Variants in SNTG2 observed in about 807,000 individuals in gnomAD.
SNTG2 encodes the protein syntrophin gamma 2.
A neutral mutation model predicts 70.9 loss-of-function variants in SNTG2; 74 were observed. The observed-to-expected ratio is 1.04, with a 90% CI of 0.86 to 1.27. The LOEUF (loss-of-function observed/expected upper bound fraction) is 1.27, where lower values mean the gene tolerates loss of function less well. Ranked by LOEUF, SNTG2 falls within the 50% of genes most tolerant of loss-of-function variation. The pLI is 0.00. For missense variants in SNTG2, 717 were observed against 690.7 expected (o/e 1.04, Z -0.43); for synonymous variants, 278 against 273.8 (o/e 1.02, Z -0.15).
At chr2:969,996 GT>G (rs1219900938) in intron 1 of SNTG2, among the ~76,000 whole-genome samples, 3 of 152,176 alleles carry the variant, frequency 2.0e-5, no homozygotes, top group Admixed American at 6.5e-5. Context: ...TTGACTGTGG[GT>G]TTGTCATAGA....
intron 16 of SNTG2, among the ~76,000 whole-genome samples, chr2:1,356,549 C>T (rs867150748): frequency 6.6e-6 from 1 of 152,074 alleles, no homozygotes; most frequent in African/African-American, 2.4e-5. Context: ...TTATATGTGT[C>T]TTTAGTACCA....
intron 8 of SNTG2, among the ~76,000 whole-genome samples, chr2:1,181,596 G>A (rs926513196): frequency 6.6e-6 from 1 of 152,164 alleles, no homozygotes; most frequent in Non-Finnish European, 1.5e-5. Context: ...CTAGAGGTAG[G>A]GTAGGTGGTG....
At chr2:1,162,275 G>A (rs983366344) in intron 6 of SNTG2, among the ~76,000 whole-genome samples, 1 of 152,066 alleles carries the variant, frequency 6.6e-6, no homozygotes, top group Non-Finnish European at 1.5e-5. Flanking sequence ...CTTACCTCGG[G>A]TATGGAGGTG....
intron 1 of SNTG2, among the ~76,000 whole-genome samples, chr2:1,065,064 T>G (rs1663063725): frequency 6.6e-6 from 1 of 152,186 alleles, no homozygotes; most frequent in East Asian, 1.9e-4. Flanking sequence ...CCAGCTTATT[T>G]TCACTCTGTC....
At chr2:1,240,457 T>G (rs926664672) in intron 11 of SNTG2, among the ~76,000 whole-genome samples, 1 of 152,232 alleles carries the variant, frequency 6.6e-6, no homozygotes, top group Non-Finnish European at 1.5e-5. Flanking sequence ...TCCTTTATAA[T>G]AAACTTATGA....
intron 6 of SNTG2, among the ~76,000 whole-genome samples, chr2:1,153,674 TA>T (rs762171714): frequency 5.3e-5 from 8 of 152,222 alleles, no homozygotes; most frequent in Admixed American, 3.9e-4. Context: ...GTTTTACACA[TA>T]ATCTCTCCAA....
At chr2:1,282,669 C>T (rs1368305788) in intron 14 of SNTG2, among the ~76,000 whole-genome samples, 1 of 149,608 alleles carries the variant, frequency 6.7e-6, no homozygotes, top group African/African-American at 2.5e-5. Flanking sequence ...CCCCCCGCCC[C>T]CACGTCAGTG....
intron 9 of SNTG2, among the ~76,000 whole-genome samples, chr2:1,209,716 TA>T (rs1200346375): frequency 6.6e-6 from 1 of 152,226 alleles, no homozygotes; most frequent in African/African-American, 2.4e-5. Context: ...AAGATGTAAC[TA>T]TAAAAGTTGA....
intron 1 of SNTG2, among the ~76,000 whole-genome samples, chr2:1,012,141 A>C (rs953621497): frequency 1.3e-5 from 2 of 152,214 alleles, no homozygotes; most frequent in African/African-American, 4.8e-5. Context: ...CCTGACAATC[A>C]ATACGAGCAA....
chr2:1,253,104 G>A (rs1451790381), intron 12 of SNTG2, among the ~76,000 whole-genome samples: 7 of 152,082 alleles, frequency 4.6e-5, no homozygotes, highest in South Asian at 2.1e-4. Flanking sequence ...CTCACAGAAC[G>A]TCTCAATGCT....
At chr2:1,152,583 T>TAG (rs1669583208) in intron 6 of SNTG2, among the ~76,000 whole-genome samples, 4 of 127,200 alleles carry the variant, frequency 3.1e-5, no homozygotes, top group Admixed American at 3.0e-4. Flanking sequence ...TGCATGTGTG[T>TAG]GTGTGCACAT....
At chr2:1,129,740 T>C (rs1667907961) in intron 4 of SNTG2, among the ~76,000 whole-genome samples, 1 of 152,160 alleles carries the variant, frequency 6.6e-6, no homozygotes, top group Non-Finnish European at 1.5e-5. Context: ...TGGTGTTGAG[T>C]AGGGCTTGGA....
At chr2:1,196,419 A>G (rs958635911) in intron 8 of SNTG2, among the ~76,000 whole-genome samples, 6 of 152,198 alleles carry the variant, frequency 3.9e-5, no homozygotes, top group Admixed American at 2.0e-4. Context: ...TGTGTTCCAG[A>G]TGGGGAAGAG....
intron 1 of SNTG2, among the ~76,000 whole-genome samples, chr2:1,072,365 T>TTTA (rs1663633986): frequency 2.1e-5 from 3 of 142,942 alleles, no homozygotes; most frequent in African/African-American, 5.1e-5. Context: ...TTTTTTTTTT[T>TTTA]ACCATTCTGA....
chr2:1,313,077 G>T (rs777614864), intron 15 of SNTG2, among the ~76,000 whole-genome samples: 6 of 152,070 alleles, frequency 3.9e-5, no homozygotes, highest in African/African-American at 1.2e-4. Context: ...TTCCATGATC[G>T]GTGTGTTAAC....
intron 1 of SNTG2, among the ~76,000 whole-genome samples, chr2:993,209 A>G (rs540720081): frequency 1.8e-4 from 26 of 145,014 alleles, no homozygotes; most frequent in African/African-American, 5.0e-4. Flanking sequence ...ATATCTCCCA[A>G]TGCTATCCCT....
In SNTG2 at chr2:1,043,372, G is replaced by C. The variant is rs567477638; in HGVS notation, c.73-40146G>C. Among the ~76,000 whole-genome samples, 360 of 152,240 alleles carry C rather than the reference G, an allele frequency of 2.4e-3. 2 individuals carry two copies. Among genetic ancestry groups the C allele is most frequent in the African/African-American group, 7.7e-3 (318 of 41,542 alleles). On this transcript the variant is annotated intron_variant, in intron 1 of 16. Transcript: ENST00000308624. ...TTTTATCCCATCCTGTAGGTTGTCT[G>C]TTTACTCTGTTGATAGTTTCTTTTG...
At chr2:1,323,306 C>T (rs1023926700) in intron 16 of SNTG2, among the ~76,000 whole-genome samples, 5 of 152,218 alleles carry the variant, frequency 3.3e-5, no homozygotes, top group Admixed American at 3.3e-4. Flanking sequence ...GAAGTGAAGC[C>T]CTGACCACAG....
chr2:1,365,360 A>C (rs1387494046), intron 16 of SNTG2, among the ~76,000 whole-genome samples: 2 of 152,214 alleles, frequency 1.3e-5, no homozygotes, highest in Non-Finnish European at 2.9e-5. Flanking sequence ...GAAATGATCA[A>C]AATAATTAGT....
Sources: allele counts gnomAD v4.1 joint callset (sites outside exome capture counted in the v4.1 genomes callset), GRCh38; gene constraint gnomAD v4.1.1; transcripts MANE v1.5; gene names NCBI Gene and HGNC (gene_info 2026-07-23, HGNC 2026-07-21).